MAD1L1: variants seen among roughly 807,000 people sequenced by gnomAD.
MAD1L1 encodes the protein mitotic spindle assembly checkpoint protein MAD1.
A neutral mutation model predicts 96.9 loss-of-function variants in MAD1L1; 95 were observed. The ratio of observed to expected loss-of-function variants is 0.98; its 90% confidence interval spans 0.83 to 1.16. The LOEUF is 1.16. Among genes scored for constraint, MAD1L1 ranks in the 50% most tolerant of loss-of-function variants. The pLI, the probability that MAD1L1 is intolerant of heterozygous loss-of-function variation, is 0.00. For synonymous variants in MAD1L1, 473 were observed against 396.6 expected (o/e 1.19, Z -2.29); for missense variants, 1,007 against 954.4 (o/e 1.06, Z -0.73).
At chr7:2,181,804 T>G (rs1391258991) in intron 10 of MAD1L1, among the ~76,000 whole-genome samples, 1 of 147,540 alleles carries the variant, frequency 6.8e-6, no homozygotes, top group Non-Finnish European at 1.5e-5. Flanking sequence ...ATAAAGAAAA[T>G]GTGGTCTCTA....
At chr7:1,900,831 C>T (rs897092112) in intron 17 of MAD1L1, among the ~76,000 whole-genome samples, 7 of 152,232 alleles carry the variant, frequency 4.6e-5, no homozygotes. Flanking sequence ...GCCTGTGCCG[C>T]TCACAGACCT....
At chr7:2,104,547 T>A (rs947829705) in intron 11 of MAD1L1, among the ~76,000 whole-genome samples, 1 of 152,228 alleles carries the variant, frequency 6.6e-6, no homozygotes, top group African/African-American at 2.4e-5. Context: ...TGAGAAGGAA[T>A]GAAATGCCAG....
chr7:1,918,586 T>C (rs1399060394), intron 17 of MAD1L1, among the ~76,000 whole-genome samples: 1 of 152,202 alleles, frequency 6.6e-6, no homozygotes, highest in Non-Finnish European at 1.5e-5. Flanking sequence ...ACCCTTCCTC[T>C]ACCCCGCTCA....
chr7:2,183,490 T>C (rs1050720872), intron 10 of MAD1L1, among the ~76,000 whole-genome samples: 12 of 152,272 alleles, frequency 7.9e-5, no homozygotes, highest in Non-Finnish European at 1.5e-5. Flanking sequence ...TAGCAAAGAC[T>C]TGGAACCAAC....
At chr7:2,045,613 CT>C (rs567474547) in intron 12 of MAD1L1, among the ~76,000 whole-genome samples, 245 of 152,122 alleles carry the variant, frequency 1.6e-3, no homozygotes, top group African/African-American at 5.6e-3. Flanking sequence ...GGATAAAGCC[CT>C]TTATTAAAGC....
At chr7:1,901,468 C>G (rs557137913) in intron 17 of MAD1L1, among the ~76,000 whole-genome samples, 1 of 152,186 alleles carries the variant, frequency 6.6e-6, no homozygotes, top group Non-Finnish European at 1.5e-5. Flanking sequence ...GCCCTGTGCC[C>G]GACCCCAGCC....
intron 11 of MAD1L1, among the ~76,000 whole-genome samples, chr7:2,127,517 C>A (rs77581675): frequency 6.6e-6 from 1 of 152,120 alleles, no homozygotes; most frequent in Non-Finnish European, 1.5e-5. Context: ...CCGACCACAC[C>A]GACCGGTAGG....
At chr7:2,041,988 G>A (rs892920377) in intron 12 of MAD1L1, among the ~76,000 whole-genome samples, 4 of 152,050 alleles carry the variant, frequency 2.6e-5, no homozygotes, top group African/African-American at 9.7e-5. Flanking sequence ...TAGCTCCCTG[G>A]GAAAGCAGCA....
In MAD1L1 at chr7:2,088,881, C is replaced by T. The variant is rs1464505703; in HGVS notation, c.1074-19543G>A. 1 of 152,320 alleles carries T rather than the reference C, an allele frequency of 6.6e-6. No homozygotes were observed. Among genetic ancestry groups the T allele is most frequent in the Non-Finnish European group, 1.5e-5 (1 of 68,092 alleles). 9.4% of individuals were successfully genotyped at this position (152,320 alleles called of 1,614,324 possible). ...TCACCCTCTGCCACCGACCCGCACG[C>T]CTCCCACACAAGCTGCCAGGCCCAC... On this transcript the variant is annotated intron_variant, in intron 11 of 18. Transcript: ENST00000265854. This position sits in a 1 kb window ranked among gnomAD's most constrained non-coding sequence, Gnocchi z 4.4.
At chr7:2,196,596 C>T (rs755262461) in intron 10 of MAD1L1, among the ~76,000 whole-genome samples, 4 of 152,234 alleles carry the variant, frequency 2.6e-5, no homozygotes, top group Admixed American at 6.5e-5. Context: ...GCCTGGCAAA[C>T]GGCAGGTCTC....
At chr7:2,067,560 G>A (rs745679474) in intron 12 of MAD1L1, among the ~76,000 whole-genome samples, 4 of 152,150 alleles carry the variant, frequency 2.6e-5, no homozygotes, top group Non-Finnish European at 5.9e-5. Context: ...CGGCGGCAGG[G>A]TCGGGCTGCA....
chr7:2,214,049 T>C (rs1562378555), intron 9 of MAD1L1, among the ~76,000 whole-genome samples: 1 of 152,256 alleles, frequency 6.6e-6, no homozygotes, highest in Admixed American at 6.5e-5. Flanking sequence ...AGTAACTATA[T>C]GACAGCCAAC....
chr7:2,169,142 G>A (rs1202554026), intron 10 of MAD1L1, among the ~76,000 whole-genome samples: 1 of 152,214 alleles, frequency 6.6e-6, no homozygotes, highest in Non-Finnish European at 1.5e-5. Flanking sequence ...GGCCTCCTGT[G>A]TGGCAGAAAG....
chr7:1,947,409 T>C (rs578003530), intron 16 of MAD1L1, among the ~76,000 whole-genome samples: 2 of 152,356 alleles, frequency 1.3e-5, no homozygotes, highest in South Asian at 2.1e-4. Context: ...CCAGTCCTTA[T>C]GCATATTTAT....
chr7:1,979,858 C>T (rs1770623249), intron 15 of MAD1L1, among the ~76,000 whole-genome samples: 1 of 152,204 alleles, frequency 6.6e-6, no homozygotes, highest in Non-Finnish European at 1.5e-5. Context: ...CCGGCTCCAG[C>T]GCCGCCCCCT....
chr7:1,892,882 C>T (rs901750102), intron 18 of MAD1L1, among the ~76,000 whole-genome samples: 4 of 152,218 alleles, frequency 2.6e-5, no homozygotes, highest in African/African-American at 9.6e-5. Context: ...TGCTCTGTGT[C>T]CCCGGCCTGG....
chr7:1,960,542 CAT>C (rs1293628029), intron 15 of MAD1L1, among the ~76,000 whole-genome samples: 2 of 152,178 alleles, frequency 1.3e-5, no homozygotes, highest in African/African-American at 4.8e-5. Flanking sequence ...TTTCAGAGCA[CAT>C]ATTATTACCA....
intron 10 of MAD1L1, among the ~76,000 whole-genome samples, chr7:2,189,914 G>A (rs554109402): frequency 7.2e-5 from 11 of 152,250 alleles, no homozygotes; most frequent in African/African-American, 2.2e-4. Flanking sequence ...AAATCTAAAC[G>A]CTTTCCCTCT....
intron 10 of MAD1L1, among the ~76,000 whole-genome samples, chr7:2,186,733 A>C (rs750979391): frequency 5.3e-5 from 8 of 152,106 alleles, no homozygotes; most frequent in Non-Finnish European, 1.0e-4. Flanking sequence ...CAGTTCACTA[A>C]GTGTGGTCTG....
Sources: allele counts gnomAD v4.1 joint callset (sites outside exome capture counted in the v4.1 genomes callset), GRCh38; gene constraint gnomAD v4.1.1; non-coding constraint Gnocchi (gnomAD v3.1); transcripts MANE v1.5; gene names NCBI Gene and HGNC (gene_info 2026-07-23, HGNC 2026-07-21).